The following RBP3 variants were observed in gnomAD, a reference collection of about 807,000 sequenced individuals.
RBP3 encodes retinol binding protein 3.
A neutral mutation model predicts 64.8 loss-of-function variants in RBP3; 50 were observed. The ratio of observed to expected loss-of-function variants is 0.77; its 90% CI spans 0.61 to 0.98. The LOEUF is 0.98. Ranked by LOEUF, RBP3 falls within the 50% of genes least tolerant of loss-of-function variation. RBP3 has a pLI of 0.00. For missense variants in RBP3, 1,712 were observed against 1,660.5 expected (o/e 1.03, Z -0.54); for synonymous variants, 828 against 730.2 (o/e 1.13, Z -2.16).
At chr10:47,356,994 C>T (rs1837054851) in intron 3 of RBP3, 108 bp from the exon 4 acceptor site, 5 of 1,015,390 alleles carry the variant, frequency 4.9e-6, no homozygotes, top group South Asian at 2.8e-5. Context: ...GGACACAGAC[C>T]TAAACCCCCG....
Position 47,351,485 on chromosome 10 carries a change from G to A in RBP3, c.3001G>A (p.Ala1001Thr), listed in dbSNP as rs1165041660. 6.2e-7 allele frequency: 1 copy of A among 1,613,746 alleles called. No homozygotes were observed. Among genetic ancestry groups the A allele is most frequent in the Non-Finnish European group, 8.5e-7 (1 of 1,180,058 alleles). The change falls in exon 1 of 4, where the codon GCC (alanine) becomes ACC (threonine). Residue 1001 changes from alanine (A) to threonine (T), a missense_variant. Physicochemically the swap from Ala to Thr is moderately conservative, Grantham distance 58. Transcript: ENST00000584701. ...MLSGDPHLKAAHIPENAKDRI... is the reference protein window; with the variant it reads ...MLSGDPHLKATHIPENAKDRI... ...CTCCGGAGACCCACACCTGAAGGCA[G>A]CCCATATCCCTGAGAATGCCAAGGA... is the stretch of plus-strand genomic sequence containing the variant.
At chr10:47,356,740 T>C (rs2132258830) in intron 3 of RBP3, among the ~76,000 whole-genome samples, 1 of 152,312 alleles carries the variant, frequency 6.6e-6, no homozygotes, top group East Asian at 1.9e-4. Context: ...CATCACAAAT[T>C]GGGCTTTTCT....
At chr10:47,356,254 C>T (rs79612534) in intron 3 of RBP3, among the ~76,000 whole-genome samples, 7 of 152,218 alleles carry the variant, frequency 4.6e-5, no homozygotes, top group East Asian at 1.9e-4. Context: ...CTAGGACATA[C>T]GTTCAATAAT....
In RBP3 at chr10:47,349,107, C is replaced by G. The variant is rs781920171; in HGVS notation, c.623C>G (p.Thr208Arg). The change falls in exon 1 of 4, where the codon ACG becomes AGG. Residue 208 changes from threonine (T) to arginine (R), a missense_variant. Physicochemically the swap from Thr to Arg is moderately conservative, Grantham distance 71. Transcript: ENST00000584701. ...TACAACCGCCCCTCCAACACCACCA[C>G]GGAGATCTGGACCTTGCCCCAGGTC... is the stretch of plus-strand genomic sequence containing the variant. ...TIYNRPSNTTTEIWTLPQVLG... is the reference protein window; with the variant it reads ...TIYNRPSNTTREIWTLPQVLG... The G allele has an allele frequency of 6.2e-7, 1 of 1,614,076 alleles. No individual in the cohort carries two copies. The highest frequency in any genetic ancestry group is 8.5e-7 in the Non-Finnish European group (1 of 1,180,038).
rs1309326814 is a variant in RBP3 at position 47,348,822 on chromosome 10, T to G, written c.338T>G (p.Leu113Arg). Residue 113 changes from leucine (L) to arginine (R), a missense_variant, in exon 1 of 4, where the codon CTG becomes CGG. Leu to Arg is a moderately radical substitution (Grantham distance 102). Transcript: ENST00000584701. The part of the protein sequence containing the change: ...PALTSLSEEE[L>R]LAWLQRGLRH... The stretch of plus-strand genomic sequence containing the variant: ...CTCACCAGCCTCTCAGAAGAGGAAC[T>G]GCTTGCCTGGCTGCAAAGGGGCCTC... The G allele has an allele frequency of 6.2e-7, 1 of 1,613,742 alleles. No homozygotes were observed. Among genetic ancestry groups the G allele is most frequent in the Non-Finnish European group, 8.5e-7 (1 of 1,180,042 alleles).
Position 47,357,296 on chromosome 10 carries a change from G to GC in RBP3, c.3586dup (p.Arg1196ProfsTer92). 6.2e-7 allele frequency: 1 copy of GC among 1,614,158 alleles called. No individual in the cohort carries two copies. ...CAACCTCTACCTCACTATCCCCACG[G>GC]CCCGTTCTGTGGGGGCCTCGGATGG... On this transcript the variant is annotated frameshift_variant, in exon 4 of 4. Coordinates refer to ENST00000584701, the MANE Select transcript of RBP3 (RefSeq NM_002900.3). LOFTEE classifies it low-confidence loss of function (END_TRUNC).
At chr10:47,355,313 A>G (rs1409817519) in intron 2 of RBP3, 63 bp from the exon 3 acceptor site, 23 of 1,607,814 alleles carry the variant, frequency 1.4e-5, no homozygotes, top group Non-Finnish European at 1.9e-5. Flanking sequence ...GGCCTCCCCG[A>G]GGGGCACACA....
Position 47,348,797 on chromosome 10 carries a change from C to A in RBP3, c.313C>A (p.Leu105Ile), listed in dbSNP as rs1555210903. 1.2e-6 allele frequency: 2 copies of A among 1,613,786 alleles called. No homozygotes were observed. The highest frequency in any genetic ancestry group is 1.7e-6 in the Non-Finnish European group (2 of 1,180,046). ...TPEPPPQVPA[L>I]TSLSEEELLA... Reference sequence around the variant, plus strand: ...CGAGCCTCCCCCACAAGTCCCAGCACTCACCAGCCTCTCAGAAGAGGAACT... The same window carrying A: ...CGAGCCTCCCCCACAAGTCCCAGCAATCACCAGCCTCTCAGAAGAGGAACT... Residue 105 changes from leucine (L) to isoleucine (I), a missense_variant, in exon 1 of 4, where the codon CTC becomes ATC. Physicochemically the swap from Leu to Ile is conservative, Grantham distance 5. Coordinates refer to ENST00000584701, the MANE Select transcript of RBP3 (RefSeq NM_002900.3).
rs1555211247 is a variant in RBP3 at position 47,350,016 on chromosome 10, A to T, written c.1532A>T (p.Asp511Val). Reference sequence around the variant, plus strand: ...CCCGTGCACCTCTTCACCACCTATGATCGCCGCACCAACATCACGCAGGAG... The same window carrying T: ...CCCGTGCACCTCTTCACCACCTATGTTCGCCGCACCAACATCACGCAGGAG... ...AGPVHLFTTY[D>V]RRTNITQEHF... The change falls in exon 1 of 4, where the codon GAT becomes GTT. Residue 511 changes from aspartate to valine, a missense_variant. Transcript: ENST00000584701. 1.9e-6 allele frequency: 3 copies of T among 1,612,804 alleles called. No individual in the cohort carries two copies. The Admixed American group carries it at 5.0e-5, about 27-fold the overall frequency.
In RBP3 at chr10:47,351,197, A is replaced by T; in HGVS notation, c.2713A>T (p.Lys905Ter). 1 of 1,613,286 alleles carries T rather than the reference A, an allele frequency of 6.2e-7. No individual in the cohort carries two copies. The highest frequency in any genetic ancestry group is 8.5e-7 in the Non-Finnish European group (1 of 1,180,032). The change falls in exon 1 of 4, where the codon AAG (lysine) becomes TAG (stop). Residue 905 changes from lysine (K) to a stop codon, truncating the protein, a stop_gained. Transcript: ENST00000584701. LOFTEE classifies it high-confidence loss of function. ...GATGGCCATGAGTGCCACCACAGGC[A>T]AGGCCTGGGACCTGGCTGGTGTGGA... ...TQMAMSATTG[K>*]AWDLAGVEPD...
chr10:47,348,520 G>T lies in RBP3; in HGVS notation c.36G>T (p.Leu12=), dbSNP rs782359971. 1 of 1,609,240 alleles carries T rather than the reference G, an allele frequency of 6.2e-7. No homozygotes were observed. Among genetic ancestry groups the T allele is most frequent in the African/African-American group, 1.3e-5 (1 of 75,060 alleles). Residue 12 remains leucine (L), a synonymous_variant, in exon 1 of 4, where the codon CTG becomes CTT. Coordinates refer to ENST00000584701, the MANE Select transcript of RBP3 (RefSeq NM_002900.3). ...MREWVLLMSV[L]LCGLAGPTHL... is the part of the protein sequence containing the mutation. ...AATGGGTTCTGCTCATGTCCGTGCT[G>T]CTCTGTGGCCTGGCTGGCCCCACAC...
At chr10:47,356,659 A>G (rs1292847289) in intron 3 of RBP3, among the ~76,000 whole-genome samples, 3 of 152,240 alleles carry the variant, frequency 2.0e-5, no homozygotes, top group African/African-American at 4.8e-5. Context: ...CTAAAATGAC[A>G]TCTATGGCCA....
At chr10:47,356,694 T>C (rs1837051072) in intron 3 of RBP3, among the ~76,000 whole-genome samples, 2 of 152,230 alleles carry the variant, frequency 1.3e-5, no homozygotes, top group Non-Finnish European at 2.9e-5. Flanking sequence ...GTTGCATTCC[T>C]GTTGGACAGT....
rs1555211120 is a variant in RBP3, at chr10:47,349,538, C to T, written c.1054C>T (p.Gln352Ter). 6.2e-7 allele frequency: 1 copy of T among 1,613,062 alleles called. No homozygotes were observed. Among genetic ancestry groups the T allele is most frequent in the East Asian group, 2.2e-5 (1 of 44,880 alleles). Residue 352 changes from glutamine to a stop codon, truncating the protein, a stop_gained, in exon 1 of 4, where the codon CAG (glutamine) becomes TAG (stop). Coordinates refer to ENST00000584701, the MANE Select transcript of RBP3 (RefSeq NM_002900.3). LOFTEE classifies it high-confidence loss of function. ...GGTGGACCGTGTGCCCACCCTGCTG[C>T]AGCACTTGGCCAGCATGGACTTCTC... ...TLVDRVPTLL[Q>*]HLASMDFSTV...
intron 2 of RBP3, among the ~76,000 whole-genome samples, chr10:47,354,116 G>T (rs1248420484): frequency 6.6e-6 from 1 of 152,208 alleles, no homozygotes; most frequent in African/African-American, 2.4e-5. Flanking sequence ...TTGTCAGAAG[G>T]ATGTCTTCAG....
intron 3 of RBP3, 69 bp downstream of exon 3, chr10:47,355,587 T>C: frequency 6.2e-7 from 1 of 1,604,658 alleles, no homozygotes; most frequent in Non-Finnish European, 8.5e-7. Context: ...GAAAGACAGC[T>C]TGGGTGTAGG....
intron 3 of RBP3, 71 bp downstream of exon 3, chr10:47,355,589 G>T: frequency 6.2e-7 from 1 of 1,603,202 alleles, no homozygotes; most frequent in South Asian, 1.1e-5. Context: ...AAGACAGCTT[G>T]GGTGTAGGTA....
In RBP3 at chr10:47,351,475, C is replaced by A. The variant is rs145728430; in HGVS notation, c.2991C>A (p.His997Gln). 3.3e-5 allele frequency: 53 copies of A among 1,613,758 alleles called. No individual in the cohort carries two copies. In the African/African-American group the frequency reaches 6.9e-4, roughly 21 times the overall value. ...TGCAGATGCTCTCCGGAGACCCACA[C>A]CTGAAGGCAGCCCATATCCCTGAGA... ...ADLQMLSGDP[H>Q]LKAAHIPENA... Residue 997 changes from histidine to glutamine, a missense_variant, in exon 1 of 4, where the codon CAC becomes CAA. Physicochemically the swap from His to Gln is conservative, Grantham distance 24 (BLOSUM62 0). Coordinates refer to ENST00000584701, the MANE Select transcript of RBP3 (RefSeq NM_002900.3).
rs1323676952 is a variant in RBP3 at position 47,350,470 on chromosome 10, C to A, written c.1986C>A (p.Ala662=). The change falls in exon 1 of 4, where the codon GCC becomes GCA. Residue 662 remains alanine (A), a synonymous_variant. Transcript: ENST00000584701. ...CAGAGGTCGTGGGGCAGACCAGTGC[C>A]CTCCTGCGGGCCAAGCTGGCCCAGG... The part of the protein sequence containing the change: ...ARPEVVGQTS[A]LLRAKLAQGA... 1 of 1,612,446 alleles carries A rather than the reference C, an allele frequency of 6.2e-7. No individual in the cohort carries two copies. The highest frequency in any genetic ancestry group is 8.5e-7 in the Non-Finnish European group (1 of 1,180,020).
Sources: allele counts gnomAD v4.1 joint callset (sites outside exome capture counted in the v4.1 genomes callset), GRCh38; gene constraint gnomAD v4.1.1; transcripts MANE v1.5; gene names NCBI Gene and HGNC (gene_info 2026-07-23, HGNC 2026-07-21).